Variants in KCTD1 observed in about 807,000 individuals in gnomAD.
The protein encoded by KCTD1 is potassium channel tetramerization domain containing 1, also known as BTB/POZ domain-containing protein KCTD1.
In KCTD1, 24 loss-of-function variants were observed where a neutral mutation model predicts 66.0. The ratio of observed to expected loss-of-function variants is 0.36; its 90% confidence interval spans 0.26 to 0.51. KCTD1 has a LOEUF of 0.51. Ranked by LOEUF, KCTD1 falls within the 20% of genes least tolerant of loss-of-function variation. The pLI, the probability that KCTD1 is intolerant of heterozygous loss-of-function variation, is 0.95. For missense variants in KCTD1, 943 were observed against 1,205.2 expected, an observed-to-expected ratio of 0.78 and a Z score of 3.22; for synonymous variants, 511 against 517.2, an observed-to-expected ratio of 0.99 and a Z score of 0.16.
At position 26,476,713 on chromosome 18, in the gene KCTD1, T is replaced by C. The variant is rs1981368380; in HGVS notation, c.1989-54A>G. On this transcript the variant is annotated intron_variant, in intron 2 of 4. Transcript: ENST00000580059. The surrounding 1 kb of genome is among the most constrained non-coding windows in gnomAD (Gnocchi z 4.9). ...ACAATTAGATCAATTGTTCGGGCACTAGGACTAAGAGGTGTCTTTTATCAC... is the reference window on the plus strand; with the variant it reads ...ACAATTAGATCAATTGTTCGGGCACCAGGACTAAGAGGTGTCTTTTATCAC... 1 of 1,530,716 alleles carries C rather than the reference T, an allele frequency of 6.5e-7. No individual in the cohort carries two copies. Among genetic ancestry groups the C allele is most frequent in the Non-Finnish European group, 9.0e-7 (1 of 1,113,114 alleles). The allele number at this position is 1,530,716 out of a possible 1,614,324, so 94.8% of individuals were successfully genotyped here. A position where few individuals can be genotyped will look rare whatever the true frequency, so the allele number is the denominator to read the frequency against.
chr18:26,628,606 G>T (rs1180371429), intron 1 of KCTD1, among the ~76,000 whole-genome samples: 4 of 151,924 alleles, frequency 2.6e-5, no homozygotes, highest in African/African-American at 4.8e-5. Flanking sequence ...GATTTCTTAA[G>T]TGGTGAAATC....
intron 1 of KCTD1, among the ~76,000 whole-genome samples, chr18:26,568,155 A>G (rs1412390611): frequency 6.6e-6 from 1 of 152,230 alleles, no homozygotes; most frequent in Non-Finnish European, 1.5e-5. Flanking sequence ...AGCAAAAGTA[A>G]TATAAGTGGA....
chr18:26,463,756 C>T (rs559172024), intron 3 of KCTD1, among the ~76,000 whole-genome samples: 9 of 152,298 alleles, frequency 5.9e-5, no homozygotes, highest in African/African-American at 2.2e-4. Flanking sequence ...AGGCTGGTCT[C>T]GAACTTCTGA....
chr18:26,487,465 C>T (rs916468554), intron 2 of KCTD1, among the ~76,000 whole-genome samples: 1 of 152,164 alleles, frequency 6.6e-6, no homozygotes, highest in Non-Finnish European at 1.5e-5. Flanking sequence ...GGAGGATGTG[C>T]CTGGTTGGCT....
At chr18:26,512,005 T>C (rs757897894) in intron 1 of KCTD1, among the ~76,000 whole-genome samples, 6 of 152,230 alleles carry the variant, frequency 3.9e-5, no homozygotes, top group Non-Finnish European at 8.8e-5. Flanking sequence ...CATAAACTTA[T>C]TAACTTCTTG....
At chr18:26,559,339 C>A (rs567546579) in intron 1 of KCTD1, among the ~76,000 whole-genome samples, 1 of 152,226 alleles carries the variant, frequency 6.6e-6, no homozygotes, top group East Asian at 1.9e-4. Flanking sequence ...GCATTGCATG[C>A]CTTAACAAAA....
At chr18:26,483,737 C>A (rs2144623240) in intron 2 of KCTD1, among the ~76,000 whole-genome samples, 1 of 152,220 alleles carries the variant, frequency 6.6e-6, no homozygotes, top group East Asian at 1.9e-4. Flanking sequence ...TGTGGGCATG[C>A]ACAACGGAGA....
intron 1 of KCTD1, among the ~76,000 whole-genome samples, chr18:26,594,572 C>T (rs756578418): frequency 2.3e-4 from 35 of 152,140 alleles, no homozygotes; most frequent in South Asian, 1.2e-3. Flanking sequence ...AGCACAAATG[C>T]GTTGCAATCA....
chr18:26,471,076 C>T (rs1981033083), intron 3 of KCTD1, among the ~76,000 whole-genome samples: 1 of 152,100 alleles, frequency 6.6e-6, no homozygotes, highest in Non-Finnish European at 1.5e-5. Flanking sequence ...CTGCTTGACC[C>T]TCTGACTCTG....
intron 1 of KCTD1, among the ~76,000 whole-genome samples, chr18:26,518,372 T>C (rs1983763023): frequency 6.6e-6 from 1 of 152,094 alleles, no homozygotes. Context: ...GTTCAAGCGA[T>C]TCTCCTGCCT....
At chr18:26,585,338 T>G (rs1986449722) in intron 1 of KCTD1, among the ~76,000 whole-genome samples, 1 of 152,242 alleles carries the variant, frequency 6.6e-6, no homozygotes, top group Non-Finnish European at 1.5e-5. Context: ...ACCATCCAAA[T>G]GGAATTCTCT....
At chr18:26,622,181 T>C (rs1245505015) in intron 1 of KCTD1, among the ~76,000 whole-genome samples, 1 of 151,028 alleles carries the variant, frequency 6.6e-6, no homozygotes, top group East Asian at 1.9e-4. Flanking sequence ...ATCACAGAAG[T>C]AAGAAAAAAA....
intron 1 of KCTD1, among the ~76,000 whole-genome samples, chr18:26,564,804 G>A (rs751950130): frequency 4.0e-5 from 6 of 151,768 alleles, no homozygotes; most frequent in African/African-American, 1.2e-4. Context: ...CAGGAGAATC[G>A]CTTGAACCCG....
intron 3 of KCTD1, among the ~76,000 whole-genome samples, chr18:26,461,833 C>A (rs553769834): frequency 2.0e-5 from 3 of 152,168 alleles, no homozygotes; most frequent in Non-Finnish European, 4.4e-5. Context: ...AATATCTTAT[C>A]GGCTGGGCGT....
upstream of KCTD1, chr18:26,548,572 A>C (rs1598935470): frequency 1.7e-6 from 2 of 1,200,954 alleles, no homozygotes; most frequent in South Asian, 4.1e-5. Context: ...GGCAGGGCGC[A>C]TGCGCTATAT....
chr18:26,486,680 C>T (rs1483100379), intron 2 of KCTD1, among the ~76,000 whole-genome samples: 3 of 152,142 alleles, frequency 2.0e-5, no homozygotes, highest in Non-Finnish European at 4.4e-5. Flanking sequence ...CTCCAGGTGG[C>T]CCCGTCTCTC....
intron 1 of KCTD1, among the ~76,000 whole-genome samples, chr18:26,573,920 T>C (rs1462736874): frequency 6.6e-6 from 1 of 152,140 alleles, no homozygotes; most frequent in East Asian, 1.9e-4. Context: ...TTGCTGGACA[T>C]CTCCTATCCC....
At chr18:26,628,126 T>C (rs537663891) in intron 1 of KCTD1, among the ~76,000 whole-genome samples, 1 of 152,352 alleles carries the variant, frequency 6.6e-6, no homozygotes, top group Middle Eastern at 3.4e-3. Flanking sequence ...TGAGTCTGTG[T>C]TCTCTATGTA....
rs532794100 is a variant in KCTD1, at chr18:26,507,542, A to T, written c.1810-6292T>A. On this transcript the variant is annotated intron_variant, in intron 1 of 4. Transcript: ENST00000580059. Reference sequence around the variant, plus strand: ...GTGCCACCACACTTGGCTAATTAAAATTTTTTTTTCTTTTGTAGAGATGGG... The same window carrying T: ...GTGCCACCACACTTGGCTAATTAAATTTTTTTTTTCTTTTGTAGAGATGGG... Among the ~76,000 whole-genome samples, 662 of 151,312 alleles carry T rather than the reference A, an allele frequency of 4.4e-3. 7 individuals are homozygous for T. Among genetic ancestry groups the T allele is most frequent in the Non-Finnish European group, 4.7e-3 (322 of 67,820 alleles).
Sources: allele counts gnomAD v4.1 joint callset (sites outside exome capture counted in the v4.1 genomes callset), GRCh38; gene constraint gnomAD v4.1.1; non-coding constraint Gnocchi (gnomAD v3.1); transcripts MANE v1.5; gene names NCBI Gene and HGNC (gene_info 2026-07-23, HGNC 2026-07-21).